The following GRID2 variants were observed in gnomAD, a reference collection of about 807,000 sequenced individuals.
GRID2 encodes glutamate ionotropic receptor delta type subunit 2.
A neutral mutation model predicts 114.8 loss-of-function variants in GRID2; 33 were observed. The ratio of observed to expected loss-of-function variants is 0.29; its 90% confidence interval spans 0.22 to 0.38. The LOEUF is 0.38. Among genes scored for constraint, GRID2 ranks in the 10% least tolerant of loss-of-function variants. The pLI, the probability that GRID2 is intolerant of heterozygous loss-of-function variation, is 1.00. For missense variants in GRID2, 1,184 were observed against 1,257.7 expected, an observed-to-expected ratio of 0.94 and a Z score of 0.89; for synonymous variants, 505 against 449.9, an observed-to-expected ratio of 1.12 and a Z score of -1.55.
At chr4:93,570,356 T>A (rs1735825538) in intron 13 of GRID2, among the ~76,000 whole-genome samples, 1 of 152,122 alleles carries the variant, frequency 6.6e-6, no homozygotes, top group African/African-American at 2.4e-5. Context: ...TTACACCACA[T>A]AATGCTAGAA....
intron 2 of GRID2, among the ~76,000 whole-genome samples, chr4:92,903,037 G>C (rs1360678280): frequency 1.3e-5 from 2 of 151,704 alleles, no homozygotes; most frequent in Non-Finnish European, 2.9e-5. Flanking sequence ...GGTTATTCAG[G>C]CTCCTTTCTG....
chr4:92,772,327 T>C (rs1322931074), intron 2 of GRID2, among the ~76,000 whole-genome samples: 1 of 152,154 alleles, frequency 6.6e-6, no homozygotes, highest in Non-Finnish European at 1.5e-5. Context: ...TCATATGTAA[T>C]GTTCTTTTTC....
chr4:92,376,124 A>T (rs1729342921), intron 1 of GRID2, among the ~76,000 whole-genome samples: 2 of 152,014 alleles, frequency 1.3e-5, no homozygotes, highest in South Asian at 4.1e-4. Context: ...AAATTTCAAC[A>T]CAGTGATACC....
chr4:92,324,390 A>T (rs1044970606), intron 1 of GRID2, among the ~76,000 whole-genome samples: 2 of 152,056 alleles, frequency 1.3e-5, no homozygotes, highest in Non-Finnish European at 1.5e-5. Context: ...TGTCTATCAG[A>T]AACATGTCAC....
At chr4:92,439,571 G>A (rs1212466914) in intron 1 of GRID2, among the ~76,000 whole-genome samples, 3 of 150,500 alleles carry the variant, frequency 2.0e-5, no homozygotes, top group African/African-American at 4.9e-5. Flanking sequence ...GAGAGATTAA[G>A]CTGAAGGGAG....
chr4:93,537,230 A>G (rs1331762434), intron 13 of GRID2, among the ~76,000 whole-genome samples: 2 of 151,582 alleles, frequency 1.3e-5, no homozygotes, highest in Non-Finnish European at 3.0e-5. Context: ...CTCTAAGGCT[A>G]TTTTCATTTT....
chr4:93,493,737 A>C (rs1233719031), intron 12 of GRID2, among the ~76,000 whole-genome samples: 1 of 151,758 alleles, frequency 6.6e-6, no homozygotes, highest in African/African-American at 2.4e-5. Flanking sequence ...TTTTTCATCC[A>C]TAGGTTTATC....
At chr4:93,079,638 G>A (rs1236857442) in intron 2 of GRID2, among the ~76,000 whole-genome samples, 1 of 151,944 alleles carries the variant, frequency 6.6e-6, no homozygotes, top group Non-Finnish European at 1.5e-5. Flanking sequence ...CACTGAGTCA[G>A]AATTTTCTTA....
At chr4:92,812,465 C>T (rs1455651509) in intron 2 of GRID2, among the ~76,000 whole-genome samples, 1 of 151,986 alleles carries the variant, frequency 6.6e-6, no homozygotes, top group African/African-American at 2.4e-5. Context: ...AAATTACAAT[C>T]AACACATGGA....
intron 14 of GRID2, among the ~76,000 whole-genome samples, chr4:93,742,903 ATG>A (rs1415657830): frequency 2.0e-5 from 3 of 152,120 alleles, no homozygotes; most frequent in Non-Finnish European, 4.4e-5. Flanking sequence ...ATTTGAACAC[ATG>A]TCTCTCTCTT....
chr4:92,693,377 A>AT (rs1310620172), intron 2 of GRID2, among the ~76,000 whole-genome samples: 1 of 152,196 alleles, frequency 6.6e-6, no homozygotes, highest in Non-Finnish European at 1.5e-5. Context: ...AAATATTCTC[A>AT]TGCACTCTAT....
intron 8 of GRID2, among the ~76,000 whole-genome samples, chr4:93,259,423 T>C (rs2149546260): frequency 6.6e-6 from 1 of 151,976 alleles, no homozygotes; most frequent in Middle Eastern, 3.4e-3. Flanking sequence ...TAGTCTCGAC[T>C]GTGTTCATTA....
intron 13 of GRID2, among the ~76,000 whole-genome samples, chr4:93,591,658 A>G (rs1327809638): frequency 6.6e-6 from 1 of 151,952 alleles, no homozygotes; most frequent in Non-Finnish European, 1.5e-5. Context: ...TACCTCTGGT[A>G]GAATTCGGCT....
intron 8 of GRID2, among the ~76,000 whole-genome samples, chr4:93,332,295 T>TGAGAGAGAGAGAGAGAGAGAGAGAGA (rs1353456848): frequency 2.3e-4 from 30 of 128,942 alleles, no homozygotes; most frequent in African/African-American, 9.1e-4. Context: ...TGTGTGTGTG[T>TGAGAGAGAGAGAGAGAGAGAGAGAGA]GTGTGAGAGA....
chr4:92,370,049 C>G (rs190618358), intron 1 of GRID2, among the ~76,000 whole-genome samples: 32 of 152,100 alleles, frequency 2.1e-4, no homozygotes, highest in African/African-American at 7.0e-4. Context: ...AACCATATAT[C>G]GAGCAAGTCT....
At chr4:92,744,779 C>T (rs769103629) in intron 2 of GRID2, among the ~76,000 whole-genome samples, 1 of 152,238 alleles carries the variant, frequency 6.6e-6, no homozygotes, top group Admixed American at 6.5e-5. Flanking sequence ...TTTACCTACT[C>T]ATTATGTTCT....
chr4:93,652,594 G>A (rs1250919643), intron 14 of GRID2, among the ~76,000 whole-genome samples: 2 of 151,688 alleles, frequency 1.3e-5, no homozygotes, highest in Admixed American at 1.3e-4. Context: ...GTCTAGGTTT[G>A]TGTAACTACA....
chr4:92,638,618 A>G (rs1367097258), intron 2 of GRID2, among the ~76,000 whole-genome samples: 2 of 150,166 alleles, frequency 1.3e-5, no homozygotes, highest in African/African-American at 4.9e-5. Flanking sequence ...ATAATTGCAC[A>G]GTGCTTATAA....
intron 1 of GRID2, among the ~76,000 whole-genome samples, chr4:92,528,429 C>T (rs1725150202): frequency 6.6e-6 from 1 of 151,620 alleles, no homozygotes; most frequent in Non-Finnish European, 1.5e-5. Flanking sequence ...TTAAAACTTT[C>T]CTTTTCCAAA....
Sources: allele counts gnomAD v4.1 joint callset (sites outside exome capture counted in the v4.1 genomes callset), GRCh38; gene constraint gnomAD v4.1.1; transcripts MANE v1.5; gene names NCBI Gene and HGNC (gene_info 2026-07-23, HGNC 2026-07-21).